FAM222A: variants seen among roughly 807,000 people sequenced by gnomAD.
FAM222A encodes the protein protein FAM222A.
Under a neutral mutation model 25.8 loss-of-function variants are expected in FAM222A, and 7 were observed. The ratio of observed to expected loss-of-function variants is 0.27; its 90% CI spans 0.15 to 0.51. FAM222A has a LOEUF of 0.51. Among genes scored for constraint, FAM222A ranks in the 20% least tolerant of loss-of-function variants. The probability of loss-of-function intolerance (pLI) is 0.97; values close to 1 mark genes in which losing one functional copy is unlikely to be tolerated. For synonymous variants in FAM222A, 294 were observed against 298.8 expected (o/e 0.98, Z 0.17); for missense variants, 573 against 640.5 (o/e 0.89, Z 1.14).
At chr12:109,745,213 G>A (rs1308146887) in intron 2 of FAM222A, among the ~76,000 whole-genome samples, 2 of 152,200 alleles carry the variant, frequency 1.3e-5, no homozygotes, top group Non-Finnish European at 2.9e-5. Flanking sequence ...CAGCAAATAT[G>A]TATGGAGACG....
chr12:109,756,935 G>C (rs1888748953), intron 2 of FAM222A, among the ~76,000 whole-genome samples: 1 of 152,048 alleles, frequency 6.6e-6, no homozygotes, highest in Non-Finnish European at 1.5e-5. Flanking sequence ...TTAAATGCTT[G>C]GTAGAATTCA....
intron 1 of FAM222A, among the ~76,000 whole-genome samples, chr12:109,724,196 C>G (rs1887800750): frequency 6.6e-6 from 1 of 152,244 alleles, no homozygotes; most frequent in Non-Finnish European, 1.5e-5. Context: ...TCTCTCACAG[C>G]TCTGGGCCTT....
chr12:109,752,974 G>C (rs1888602872), intron 2 of FAM222A, among the ~76,000 whole-genome samples: 1 of 152,196 alleles, frequency 6.6e-6, no homozygotes, highest in Non-Finnish European at 1.5e-5. Context: ...GTGACCTGCA[G>C]AAAAACAAAG....
At chr12:109,742,105 C>T (rs1888257262) in intron 1 of FAM222A, 1 of 152,330 alleles carries the variant, frequency 6.6e-6, no homozygotes, top group Non-Finnish European at 1.5e-5. Flanking sequence ...GGCCTCTTAC[C>T]TTCCAGATTG....
intron 2 of FAM222A, among the ~76,000 whole-genome samples, chr12:109,761,657 C>A (rs149591886): frequency 1.3e-5 from 2 of 152,304 alleles, no homozygotes; most frequent in Admixed American, 1.3e-4. Flanking sequence ...CCATATCCCC[C>A]ACATCTCCAG....
intron 1 of FAM222A, among the ~76,000 whole-genome samples, chr12:109,732,757 C>G (rs1887978043): frequency 6.6e-6 from 1 of 152,226 alleles, no homozygotes; most frequent in African/African-American, 2.4e-5. Context: ...CACACACATA[C>G]ATTCCACTGC....
Position 109,765,227 on chromosome 12 carries a change from T to A in FAM222A, c.83-2785T>A, listed in dbSNP as rs60899492. On this transcript the variant is annotated intron_variant, in intron 2 of 2. Transcript: ENST00000538780. ...TGCTGACAGTTGGGACTGGACCCTT[T>A]TCTGTGGCAGAGCTGTCCTGTGCAT... Among the ~76,000 whole-genome samples the A allele has an allele frequency of 4.2e-3, 638 of 152,342 alleles. 4 individuals carry two copies. Among genetic ancestry groups the A allele is most frequent in the African/African-American group, 0.015 (603 of 41,582 alleles).
chr12:109,755,287 C>CTTTTTTTTTTTT (rs540689300), intron 2 of FAM222A, among the ~76,000 whole-genome samples: 3 of 49,426 alleles, frequency 6.1e-5, no homozygotes, highest in African/African-American at 8.9e-5. Context: ...TGTAATTCTT[C>CTTTTTTTTTTTT]TTTTTTTTTT....
At chr12:109,726,208 C>G (rs915165092) in intron 1 of FAM222A, among the ~76,000 whole-genome samples, 4 of 152,036 alleles carry the variant, frequency 2.6e-5, no homozygotes, top group Non-Finnish European at 5.9e-5. Context: ...ATCCCTGTTC[C>G]CTCTCCTAGA....
chr12:109,758,272 C>T (rs899446872), intron 2 of FAM222A, among the ~76,000 whole-genome samples: 5 of 152,144 alleles, frequency 3.3e-5, no homozygotes, highest in Non-Finnish European at 5.9e-5. Context: ...GCCCATTGTT[C>T]GCTGCTACCC....
intron 2 of FAM222A, among the ~76,000 whole-genome samples, chr12:109,752,032 C>T (rs1465267609): frequency 1.3e-5 from 2 of 152,212 alleles, no homozygotes; most frequent in Non-Finnish European, 2.9e-5. Flanking sequence ...CATCTTTGTA[C>T]ATGTGCATCT....
chr12:109,756,054 AT>A (rs1888718443), intron 2 of FAM222A, among the ~76,000 whole-genome samples: 1 of 152,196 alleles, frequency 6.6e-6, no homozygotes, highest in African/African-American at 2.4e-5. Flanking sequence ...CTTAGGGAAT[AT>A]TGCCATCTTA....
chr12:109,719,770 G>C (rs1887714623), intron 1 of FAM222A, among the ~76,000 whole-genome samples: 2 of 152,166 alleles, frequency 1.3e-5, no homozygotes, highest in South Asian at 4.1e-4. Flanking sequence ...GAGATTAGGA[G>C]GGTGTGCAGG....
intron 1 of FAM222A, among the ~76,000 whole-genome samples, chr12:109,732,893 G>A (rs975979653): frequency 2.6e-5 from 4 of 152,234 alleles, no homozygotes; most frequent in African/African-American, 7.2e-5. Context: ...GTGCCCCATC[G>A]TGCAGACACA....
chr12:109,769,647 G>A lies in FAM222A; in HGVS notation c.*359G>A. 3.6e-6 allele frequency: 1 copy of A among 281,568 alleles called. No individual in the cohort carries two copies. The highest frequency in any genetic ancestry group is 6.7e-6 in the Non-Finnish European group (1 of 149,160). The allele number at this position is 281,568 out of a possible 1,614,324, so 17.4% of individuals were successfully genotyped here. A position where few individuals can be genotyped will look rare whatever the true frequency, so the allele number is the denominator to read the frequency against. ...GGACAGGGGCCCAGGCCAAGGTGGG[G>A]TGCAGGAGGAAACAGGCGCACCAGA... On this transcript the variant is annotated 3_prime_UTR_variant, in exon 3 of 3. Coordinates refer to ENST00000538780, the MANE Select transcript of FAM222A (RefSeq NM_032829.3).
At chr12:109,719,174 A>AT (rs1210881354) in intron 1 of FAM222A, among the ~76,000 whole-genome samples, 1 of 152,216 alleles carries the variant, frequency 6.6e-6, no homozygotes, top group African/African-American at 2.4e-5. Context: ...TCATGCCTGG[A>AT]TACAGGTCAC....
chr12:109,764,945 C>T (rs1036773514), intron 2 of FAM222A, among the ~76,000 whole-genome samples: 5 of 152,192 alleles, frequency 3.3e-5, no homozygotes, highest in South Asian at 2.1e-4. Flanking sequence ...GAGGCTGCCC[C>T]GGGCAGAGTC....
At position 109,769,307 on chromosome 12, in the gene FAM222A, A is replaced by G. The variant is rs962002418; in HGVS notation, c.*19A>G. On this transcript the variant is annotated 3_prime_UTR_variant, in exon 3 of 3. Coordinates refer to ENST00000538780, the MANE Select transcript of FAM222A (RefSeq NM_032829.3). ...CAGATAAGGCCTGCCCTGCGGACATACGGACATGCGGACAGGGCGCAGAGC... is the reference window on the plus strand; with the variant it reads ...CAGATAAGGCCTGCCCTGCGGACATGCGGACATGCGGACAGGGCGCAGAGC... 8.2e-6 allele frequency: 13 copies of G among 1,590,704 alleles called. No individual in the cohort carries two copies. The Admixed American group carries it at 1.5e-4, about 19-fold the overall frequency.
intron 1 of FAM222A, among the ~76,000 whole-genome samples, chr12:109,727,167 G>A (rs745958547): frequency 3.3e-5 from 5 of 152,102 alleles, no homozygotes; most frequent in Non-Finnish European, 5.9e-5. Context: ...CTCTGTGGTC[G>A]GGGTCTTCTG....
Sources: allele counts gnomAD v4.1 joint callset (sites outside exome capture counted in the v4.1 genomes callset), GRCh38; gene constraint gnomAD v4.1.1; transcripts MANE v1.5; gene names NCBI Gene and HGNC (gene_info 2026-07-23, HGNC 2026-07-21).